ARV1: variants seen among roughly 807,000 people sequenced by gnomAD.
ARV1 encodes ARV1 fatty acid homeostasis modulator.
In ARV1, 26 loss-of-function variants were observed where a neutral mutation model predicts 31.1. The observed-to-expected ratio is 0.84, with a 90% CI of 0.61 to 1.16. The LOEUF is 1.16. Among genes scored for constraint, ARV1 ranks in the 50% most tolerant of loss-of-function variants. The pLI is 0.00. For missense variants in ARV1, 281 were observed against 324.9 expected (o/e 0.86, Z 1.04); for synonymous variants, 117 against 123.2 (o/e 0.95, Z 0.34).
intron 1 of ARV1, among the ~76,000 whole-genome samples, chr1:230,986,668 ATTTTTTTTTTTTTTTTTTTTTTTTT>A (rs1162209283): frequency 0.014 from 882 of 62,376 alleles, 28 homozygotes; most frequent in African/African-American, 0.047. Context: ...TACTTTTCCT[ATTTTTTTTTTTTTTTTTTTTTTTTT>A]TTTTTTTTTT....
intron 1 of ARV1, among the ~76,000 whole-genome samples, chr1:230,987,567 G>A (rs1429349449): frequency 2.0e-5 from 3 of 152,198 alleles, no homozygotes; most frequent in Non-Finnish European, 2.9e-5. Context: ...CTTCAGGGGG[G>A]AATAAAGCCA....
intron 4 of ARV1, among the ~76,000 whole-genome samples, chr1:230,996,479 C>T (rs1679371706): frequency 6.6e-6 from 1 of 152,066 alleles, no homozygotes; most frequent in Admixed American, 6.6e-5. Flanking sequence ...TAGGGTGTCA[C>T]TTGGTCACCC....
intron 3 of ARV1, among the ~76,000 whole-genome samples, chr1:230,994,301 C>T (rs1397094296): frequency 6.6e-6 from 1 of 152,192 alleles, no homozygotes; most frequent in East Asian, 1.9e-4. Flanking sequence ...GATGCTGTAG[C>T]TTTGAGTGTC....
chr1:230,980,802 C>T (rs1407034177), intron 1 of ARV1, among the ~76,000 whole-genome samples: 2 of 150,872 alleles, frequency 1.3e-5, no homozygotes, highest in African/African-American at 2.4e-5. Context: ...ACAAAATACA[C>T]TTGCTGCCAC....
In ARV1 at chr1:230,997,273, G is replaced by GA; in HGVS notation, c.*4+9dup. The stretch of plus-strand genomic sequence containing the variant: ...ATCTCAGGACTTCTGAAGAGGTACT[G>GA]AAAGCATGTAGTGTTCATGCATTCA... On this transcript the variant is annotated splice_region_variant and intron_variant, in intron 5 of 5. Coordinates refer to ENST00000310256, the MANE Select transcript of ARV1 (RefSeq NM_022786.3). 1 of 1,613,398 alleles carries GA rather than the reference G, an allele frequency of 6.2e-7. No homozygotes were observed. Among genetic ancestry groups the GA allele is most frequent in the Non-Finnish European group, 8.5e-7 (1 of 1,179,470 alleles).
chr1:230,984,361 T>TGTGC (rs10628275), intron 1 of ARV1, among the ~76,000 whole-genome samples: 10 of 103,336 alleles, frequency 9.7e-5, no homozygotes, highest in Non-Finnish European at 1.2e-4. Flanking sequence ...TGTGTGTGTG[T>TGTGC]GCGTGTGTGT....
At chr1:230,997,058 A>G in intron 4 of ARV1, 63 bp from the exon 5 acceptor site, 1 of 1,570,112 alleles carries the variant, frequency 6.4e-7, no homozygotes. Flanking sequence ...ATACTACCCG[A>G]AAATTTACAT....
intron 1 of ARV1, among the ~76,000 whole-genome samples, chr1:230,986,666 CTATTTT>C (rs1679080412): frequency 2.4e-4 from 19 of 79,742 alleles, no homozygotes; most frequent in East Asian, 1.8e-3. Context: ...AATACTTTTC[CTATTTT>C]TTTTTTTTTT....
chr1:230,998,323 C>T (rs1351095608), intron 5 of ARV1, among the ~76,000 whole-genome samples: 1 of 152,194 alleles, frequency 6.6e-6, no homozygotes, highest in African/African-American at 2.4e-5. Flanking sequence ...CTGTTACATC[C>T]TCCTTGCAAG....
chr1:230,979,392 GC>G (rs980858985), intron 1 of ARV1, 113 bp downstream of exon 1: 2 of 1,224,944 alleles, frequency 1.6e-6, no homozygotes, highest in African/African-American at 3.1e-5. Context: ...TGACATTCCC[GC>G]CCGGGATCTT....
chr1:230,984,363 CGT>C (rs34285543), intron 1 of ARV1, among the ~76,000 whole-genome samples: 24,946 of 129,380 alleles, frequency 0.19, 2,338 homozygotes, highest in East Asian at 0.27. Flanking sequence ...TGTGTGTGTG[CGT>C]GTGTGTGTGT....
intron 1 of ARV1, among the ~76,000 whole-genome samples, chr1:230,984,690 T>TA (rs1460242444): frequency 6.6e-6 from 1 of 152,106 alleles, no homozygotes; most frequent in Admixed American, 6.5e-5. Flanking sequence ...TCTACAGAAG[T>TA]AAAAACATGC....
intron 2 of ARV1, 62 bp downstream of exon 2, chr1:230,988,501 T>C: frequency 7.3e-7 from 1 of 1,362,994 alleles, no homozygotes; most frequent in Non-Finnish European, 1.0e-6. Flanking sequence ...AAAAGAATAA[T>C]AAGAATTTTA....
intron 3 of ARV1, among the ~76,000 whole-genome samples, chr1:230,992,851 T>A (rs190448510): frequency 1.5e-4 from 23 of 152,374 alleles, no homozygotes; most frequent in South Asian, 4.1e-4. Flanking sequence ...TCCATTATTA[T>A]GTAATTACTA....
At chr1:230,991,586 A>G (rs1293402513) in intron 3 of ARV1, among the ~76,000 whole-genome samples, 3 of 151,064 alleles carry the variant, frequency 2.0e-5, no homozygotes, top group African/African-American at 4.9e-5. Context: ...CCCCATAGTC[A>G]GGTCATCAGG....
At chr1:230,982,148 T>C (rs922417704) in intron 1 of ARV1, among the ~76,000 whole-genome samples, 5 of 152,266 alleles carry the variant, frequency 3.3e-5, no homozygotes. Context: ...GAACAGCGAC[T>C]GACATTTAGT....
chr1:230,998,112 C>T (rs1679422464), intron 5 of ARV1, among the ~76,000 whole-genome samples: 1 of 152,194 alleles, frequency 6.6e-6, no homozygotes, highest in Admixed American at 6.5e-5. Flanking sequence ...TCAGCTTCCT[C>T]TCTGGGGCTG....
chr1:230,993,353 C>T lies in ARV1; in HGVS notation c.449-2407C>T, dbSNP rs554221240. 1.1e-4 allele frequency among the ~76,000 whole-genome samples: 16 copies of T among 152,292 alleles called. No homozygotes were observed. In the South Asian group the frequency reaches 2.7e-3, roughly 26 times the overall value. Reference sequence around the variant, plus strand: ...TCAAACAGTCCTCCCATATGGGCCTCCCAAAGTGCTGAGACTGCAGGCATC... The same window carrying T: ...TCAAACAGTCCTCCCATATGGGCCTTCCAAAGTGCTGAGACTGCAGGCATC... On this transcript the variant is annotated intron_variant, in intron 3 of 5. Coordinates refer to ENST00000310256, the MANE Select transcript of ARV1 (RefSeq NM_022786.3).
chr1:230,993,637 G>A (rs979271688), intron 3 of ARV1, among the ~76,000 whole-genome samples: 11 of 152,122 alleles, frequency 7.2e-5, no homozygotes, highest in Non-Finnish European at 1.6e-4. Flanking sequence ...CCTCACACCT[G>A]TAATCCCAGC....
Sources: allele counts gnomAD v4.1 joint callset (sites outside exome capture counted in the v4.1 genomes callset), GRCh38; gene constraint gnomAD v4.1.1; transcripts MANE v1.5; gene names NCBI Gene and HGNC (gene_info 2026-07-23, HGNC 2026-07-21).